MUSK: variants seen among roughly 807,000 people sequenced by gnomAD.
The protein encoded by MUSK is muscle associated receptor tyrosine kinase.
Under a neutral mutation model 88.7 loss-of-function variants are expected in MUSK, and 55 were observed. That is an observed-to-expected ratio of 0.62 (90% CI 0.50 to 0.78). MUSK has a LOEUF of 0.78. MUSK is among the 30% of genes least tolerant of loss of function. The probability of loss-of-function intolerance (pLI) is 0.00; values close to 1 mark genes in which losing one functional copy is unlikely to be tolerated. For synonymous variants in MUSK, 387 were observed against 391.9 expected (o/e 0.99, Z 0.15); for missense variants, 1,015 against 1,074.3 (o/e 0.94, Z 0.77).
At chr9:110,675,788 T>C (rs187769830) in intron 1 of MUSK, among the ~76,000 whole-genome samples, 3 of 148,664 alleles carry the variant, frequency 2.0e-5, no homozygotes, top group Non-Finnish European at 4.5e-5. Context: ...CAGGAATCTC[T>C]TGAACTCGTG....
chr9:110,740,594 A>C (rs59967133), intron 6 of MUSK, among the ~76,000 whole-genome samples: 1 of 152,300 alleles, frequency 6.6e-6, no homozygotes, highest in African/African-American at 2.4e-5. Context: ...GCAAAATAAA[A>C]ACTAAAAAAC....
chr9:110,738,279 G>A (rs537549812), intron 6 of MUSK, among the ~76,000 whole-genome samples: 1 of 138,688 alleles, frequency 7.2e-6, no homozygotes, highest in East Asian at 2.0e-4. Flanking sequence ...TAGGATTTCA[G>A]GTCCATAAAC....
At chr9:110,672,949 T>G (rs918083169) in intron 1 of MUSK, among the ~76,000 whole-genome samples, 3 of 152,214 alleles carry the variant, frequency 2.0e-5, no homozygotes, top group African/African-American at 7.2e-5. Flanking sequence ...TTCATTTTCA[T>G]GTATTTGTTA....
intron 6 of MUSK, among the ~76,000 whole-genome samples, chr9:110,742,344 T>C (rs556354576): frequency 6.4e-4 from 98 of 152,200 alleles, no homozygotes; most frequent in African/African-American, 2.3e-3. Flanking sequence ...TAGTCCCAGC[T>C]ACTTGGGAGG....
intron 6 of MUSK, among the ~76,000 whole-genome samples, chr9:110,736,281 TAAAATTTTAAATTAAGA>T (rs759257023): frequency 7.1e-4 from 108 of 152,074 alleles, no homozygotes; most frequent in Non-Finnish European, 1.3e-3. Context: ...TATATATCCA[TAAAATTTTAAATTAAGA>T]AACATTTTAA....
chr9:110,744,856 T>C (rs185812172), intron 6 of MUSK, among the ~76,000 whole-genome samples: 1 of 152,318 alleles, frequency 6.6e-6, no homozygotes, highest in East Asian at 1.9e-4. Context: ...TAATCTGTTT[T>C]GCTTAGGCAT....
At chr9:110,707,360 T>C (rs1199802368) in intron 5 of MUSK, among the ~76,000 whole-genome samples, 1 of 152,208 alleles carries the variant, frequency 6.6e-6, no homozygotes, top group East Asian at 1.9e-4. Context: ...TTTTCTTTTT[T>C]CCCCTCACAT....
intron 6 of MUSK, among the ~76,000 whole-genome samples, chr9:110,740,421 G>A (rs2077082842): frequency 6.6e-6 from 1 of 152,056 alleles, no homozygotes; most frequent in Non-Finnish European, 1.5e-5. Context: ...GTGCACTTCT[G>A]GTGTCTGTGC....
At chr9:110,730,981 C>T (rs534274337) in intron 5 of MUSK, among the ~76,000 whole-genome samples, 1 of 152,104 alleles carries the variant, frequency 6.6e-6, no homozygotes, top group Non-Finnish European at 1.5e-5. Context: ...ACCCTATATC[C>T]TTCTTAGATG....
In MUSK at chr9:110,733,891, T is replaced by C. The variant is rs1011385720; in HGVS notation, c.629-360T>C. Among the ~76,000 whole-genome samples, 10 of 152,152 alleles carry C rather than the reference T, an allele frequency of 6.6e-5. No homozygotes were observed. The South Asian group carries it at 1.0e-3, about 16-fold the overall frequency. On this transcript the variant is annotated intron_variant, in intron 5 of 14. Transcript: ENST00000374448. ...AAAGTGAATGGGGGGAGGATTACACTTGATGTTGTGTGAGTAAGAAGGACC... is the reference window on the plus strand; with the variant it reads ...AAAGTGAATGGGGGGAGGATTACACCTGATGTTGTGTGAGTAAGAAGGACC...
intron 9 of MUSK, among the ~76,000 whole-genome samples, chr9:110,773,792 A>G (rs1564283318): frequency 6.6e-6 from 1 of 152,108 alleles, no homozygotes; most frequent in Non-Finnish European, 1.5e-5. Context: ...TTTTCTGGCC[A>G]TGTTGTAATA....
At chr9:110,684,860 A>G (rs1475462044) in intron 2 of MUSK, among the ~76,000 whole-genome samples, 1 of 152,082 alleles carries the variant, frequency 6.6e-6, no homozygotes, top group African/African-American at 2.4e-5. Context: ...CAGTTCTAAT[A>G]GTTTTCTGTG....
intron 6 of MUSK, among the ~76,000 whole-genome samples, chr9:110,746,922 A>G (rs1012816810): frequency 1.3e-5 from 2 of 152,226 alleles, no homozygotes; most frequent in African/African-American, 2.4e-5. Context: ...AGGAGTTATG[A>G]AAATAAGTCC....
At chr9:110,751,382 T>C (rs1349137204) in intron 7 of MUSK, among the ~76,000 whole-genome samples, 2 of 151,984 alleles carry the variant, frequency 1.3e-5, no homozygotes, top group Non-Finnish European at 2.9e-5. Context: ...TCATCTTAGA[T>C]ATCAGTGTTG....
intron 3 of MUSK, among the ~76,000 whole-genome samples, chr9:110,694,786 A>G (rs1385867055): frequency 6.6e-6 from 1 of 152,198 alleles, no homozygotes; most frequent in Non-Finnish European, 1.5e-5. Flanking sequence ...ATTAACTGGC[A>G]TAAACTATTT....
chr9:110,740,912 G>T (rs1294749537), intron 6 of MUSK, among the ~76,000 whole-genome samples: 2 of 152,076 alleles, frequency 1.3e-5, no homozygotes, highest in African/African-American at 4.8e-5. Context: ...AATACCAAAT[G>T]ATCTCACTTA....
intron 3 of MUSK, among the ~76,000 whole-genome samples, chr9:110,688,223 C>T (rs1275633653): frequency 6.6e-6 from 1 of 152,058 alleles, no homozygotes; most frequent in African/African-American, 2.4e-5. Context: ...AACTTTGATT[C>T]CAGGCTTACT....
At chr9:110,703,385 C>G (rs1203966185) in intron 5 of MUSK, among the ~76,000 whole-genome samples, 2 of 151,854 alleles carry the variant, frequency 1.3e-5, no homozygotes, top group Non-Finnish European at 2.9e-5. Context: ...CAAAAATTAG[C>G]CGGGCGTGGT....
intron 3 of MUSK, among the ~76,000 whole-genome samples, chr9:110,690,827 AATATATATAAATATAAGT>A (rs1020007276): frequency 8.1e-6 from 1 of 123,222 alleles, no homozygotes; most frequent in African/African-American, 3.4e-5. Flanking sequence ...TATATATATA[AATATATATAAATATAAGT>A]ATATATATAA....
Sources: gnomAD v4.1 joint callset for allele counts (sites outside exome capture counted in the v4.1 genomes callset) on GRCh38, gnomAD v4.1.1 for gene constraint, MANE v1.5 for transcripts, NCBI Gene and HGNC (gene_info 2026-07-23, HGNC 2026-07-21) for gene names.